Variants in MEIG1 observed in about 807,000 individuals in gnomAD.
The protein encoded by MEIG1 is meiosis/spermiogenesis associated 1.
A neutral mutation model predicts 11.3 loss-of-function variants in MEIG1; 12 were observed. The observed-to-expected ratio is 1.07, with a 90% CI of 0.68 to 1.73. MEIG1 has a LOEUF of 1.73. Among genes scored for constraint, MEIG1 ranks in the 40% most tolerant of loss-of-function variants. MEIG1 has a pLI of 0.00. For synonymous variants in MEIG1, 41 were observed against 33.2 expected, an observed-to-expected ratio of 1.24 and a Z score of -0.81; for missense variants, 119 against 104.9, an observed-to-expected ratio of 1.13 and a Z score of -0.59.
At chr10:14,960,474 A>C (rs1156707765) in intron 1 of MEIG1, among the ~76,000 whole-genome samples, 1 of 152,042 alleles carries the variant, frequency 6.6e-6, no homozygotes, top group Admixed American at 6.6e-5. Flanking sequence ...GCTGGAGTGC[A>C]GTGGCGGGAT....
intron 1 of MEIG1, among the ~76,000 whole-genome samples, chr10:14,978,642 T>C (rs1843234375): frequency 1.3e-5 from 2 of 152,110 alleles, no homozygotes; most frequent in South Asian, 4.1e-4. Context: ...GCGATAGTAT[T>C]CGTAGTCTCC....
intron 2 of MEIG1, chr10:14,987,667 T>C: frequency 2.8e-6 from 1 of 361,518 alleles, no homozygotes; most frequent in South Asian, 3.5e-5. Flanking sequence ...TTAGAGAAAA[T>C]CCACTGAAGA....
At chr10:14,981,118 T>G (rs1309698449) in intron 1 of MEIG1, among the ~76,000 whole-genome samples, 8 of 152,090 alleles carry the variant, frequency 5.3e-5, no homozygotes, top group Admixed American at 1.3e-4. Flanking sequence ...GCTTCTCTGG[T>G]GACCGGGTCC....
chr10:14,965,684 G>T (rs1843073159), intron 1 of MEIG1, among the ~76,000 whole-genome samples: 1 of 61,752 alleles, frequency 1.6e-5, no homozygotes, highest in East Asian at 3.2e-4. Flanking sequence ...TTGAGAGAGA[G>T]AGAGAGAGAG....
downstream of MEIG1, among the ~76,000 whole-genome samples, chr10:14,974,402 G>A (rs1843188823): frequency 6.6e-6 from 1 of 152,108 alleles, no homozygotes; most frequent in South Asian, 2.1e-4. Context: ...TTCGGTAGAG[G>A]GCGGTGTATT....
intron 1 of MEIG1, among the ~76,000 whole-genome samples, chr10:14,978,931 G>T (rs1843237891): frequency 6.6e-6 from 1 of 151,860 alleles, no homozygotes; most frequent in South Asian, 2.1e-4. Context: ...ATAAATCACA[G>T]GTGTTCTACA....
chr10:14,955,768 A>G (rs563051638), upstream of MEIG1, among the ~76,000 whole-genome samples: 41 of 152,314 alleles, frequency 2.7e-4, no homozygotes, highest in African/African-American at 8.9e-4. Context: ...TGATACTCAG[A>G]GTTCTATTCA....
At chr10:14,983,881 A>G (rs774760766) in intron 1 of MEIG1, among the ~76,000 whole-genome samples, 20 of 151,978 alleles carry the variant, frequency 1.3e-4, no homozygotes, top group Non-Finnish European at 2.8e-4. Context: ...GATCCAGGAG[A>G]GAAGAGGATG....
At chr10:14,965,927 T>A (rs1332410516) in intron 1 of MEIG1, among the ~76,000 whole-genome samples, 1 of 152,160 alleles carries the variant, frequency 6.6e-6, no homozygotes, top group African/African-American at 2.4e-5. Context: ...GGGGTTTTTT[T>A]TGTTTGTTTC....
intron 2 of MEIG1, among the ~76,000 whole-genome samples, chr10:14,970,857 C>T (rs557342776): frequency 6.6e-6 from 1 of 152,244 alleles, no homozygotes; most frequent in South Asian, 2.1e-4. Flanking sequence ...GGGTGCAGGA[C>T]TGCCTGTATA....
chr10:14,980,713 C>T (rs1403900184), intron 1 of MEIG1, among the ~76,000 whole-genome samples: 2 of 152,132 alleles, frequency 1.3e-5, no homozygotes. Context: ...CGAGCCAACG[C>T]CTCACCGAAG....
At chr10:14,973,143 G>A (rs191959239), downstream of MEIG1, among the ~76,000 whole-genome samples, 19 of 152,248 alleles carry the variant, frequency 1.2e-4, no homozygotes, top group Non-Finnish European at 1.8e-4. Flanking sequence ...TGGCATTTCA[G>A]GTGTGAGCCA....
At chr10:14,956,872 T>C (rs1564501352), upstream of MEIG1, among the ~76,000 whole-genome samples, 1 of 152,064 alleles carries the variant, frequency 6.6e-6, no homozygotes, top group South Asian at 2.1e-4. Flanking sequence ...AAGACCAACA[T>C]GACAAAACCC....
Position 14,959,470 on chromosome 10 carries a change from G to T in MEIG1, c.-117G>T, listed in dbSNP as rs1213797423. 6.6e-6 allele frequency: 1 copy of T among 152,638 alleles called. No homozygotes were observed. Among genetic ancestry groups the T allele is most frequent in the African/African-American group, 2.4e-5 (1 of 41,474 alleles). 9.5% of individuals were successfully genotyped at this position (152,638 alleles called of 1,614,324 possible). A position where few individuals can be genotyped will look rare whatever the true frequency, so the allele number is the denominator to read the frequency against. On this transcript the variant is annotated 5_prime_UTR_variant, in exon 1 of 3. Transcript: ENST00000407572. ...CGCGGATCCCGAGTAGAGAACGCAA[G>T]CACCCACGCCCGCCTGCAAGCTCCC...
chr10:14,986,722 G>A (rs946454586), intron 1 of MEIG1: 1 of 308,872 alleles, frequency 3.2e-6, no homozygotes, highest in Non-Finnish European at 6.3e-6. Context: ...CGCTTCTTGG[G>A]CCTCGGCCCT....
intron 1 of MEIG1, among the ~76,000 whole-genome samples, chr10:14,984,631 A>G (rs945710996): frequency 6.6e-6 from 1 of 152,034 alleles, no homozygotes; most frequent in African/African-American, 2.4e-5. Flanking sequence ...CAGGGTTTGT[A>G]CACCTTGTCA....
In MEIG1 at chr10:14,972,788, C is replaced by A; in HGVS notation, c.*147C>A. On this transcript the variant is annotated 3_prime_UTR_variant, in exon 3 of 3. Coordinates refer to ENST00000407572, the MANE Select transcript of MEIG1 (RefSeq NM_001080836.3). ...ACACAAAAGCCATGAGAATTGGTAT[C>A]TGCTAATCACCTTGTCCTGTTCTAA... 1 of 710,320 alleles carries A rather than the reference C, an allele frequency of 1.4e-6. No homozygotes were observed. The highest frequency in any genetic ancestry group is 2.3e-6 in the Non-Finnish European group (1 of 444,102). The allele number at this position is 710,320 out of a possible 1,614,324, so 44.0% of individuals were successfully genotyped here.
chr10:14,956,885 G>A (rs991520607), upstream of MEIG1, among the ~76,000 whole-genome samples: 7 of 152,120 alleles, frequency 4.6e-5, no homozygotes, highest in African/African-American at 1.7e-4. Context: ...CAAAACCCCA[G>A]CTCTACTAAA....
chr10:14,966,643 G>C, intron 2 of MEIG1, 37 bp downstream of exon 2: 1 of 1,572,998 alleles, frequency 6.4e-7, no homozygotes, highest in Non-Finnish European at 8.6e-7. Context: ...AACTCGAAAT[G>C]TATTTCTCAG....
Sources: allele counts gnomAD v4.1 joint callset (sites outside exome capture counted in the v4.1 genomes callset), GRCh38; gene constraint gnomAD v4.1.1; transcripts MANE v1.5; gene names NCBI Gene and HGNC (gene_info 2026-07-23, HGNC 2026-07-21).